The following ARHGEF38 variants were observed in gnomAD, a reference collection of about 807,000 sequenced individuals.
ARHGEF38 encodes the protein Rho guanine nucleotide exchange factor (GEF) 38.
Under a neutral mutation model 79.9 loss-of-function variants are expected in ARHGEF38, and 79 were observed. The ratio of observed to expected loss-of-function variants is 0.99; its 90% CI spans 0.82 to 1.19. The LOEUF (loss-of-function observed/expected upper bound fraction) is 1.19, where lower values mean the gene tolerates loss of function less well. Among genes scored for constraint, ARHGEF38 ranks in the 50% most tolerant of loss-of-function variants. The pLI is 0.00. For synonymous variants in ARHGEF38, 366 were observed against 328.3 expected (o/e 1.11, Z -1.24); for missense variants, 962 against 907.2 (o/e 1.06, Z -0.78).
At chr4:105,570,391 G>A (rs1328475364) in intron 1 of ARHGEF38, among the ~76,000 whole-genome samples, 2 of 152,182 alleles carry the variant, frequency 1.3e-5, no homozygotes, top group African/African-American at 2.4e-5. Context: ...AATGCAGTAT[G>A]TATTAGTCTG....
intron 10 of ARHGEF38, among the ~76,000 whole-genome samples, chr4:105,660,431 A>G (rs1349228206): frequency 6.7e-6 from 1 of 149,024 alleles, no homozygotes; most frequent in East Asian, 2.0e-4. Flanking sequence ...GAGCTTCCTC[A>G]TTCTTTTTTT....
intron 6 of ARHGEF38, among the ~76,000 whole-genome samples, chr4:105,648,013 C>T (rs1729923554): frequency 6.6e-6 from 1 of 151,662 alleles, no homozygotes; most frequent in South Asian, 2.1e-4. Context: ...CCTCAGCCTC[C>T]CAAGTACCTG....
At chr4:105,580,290 C>G (rs775610096) in intron 1 of ARHGEF38, among the ~76,000 whole-genome samples, 10 of 152,042 alleles carry the variant, frequency 6.6e-5, no homozygotes, top group Non-Finnish European at 1.0e-4. Context: ...TTCTTTAGCT[C>G]TTTTATTTGT....
At chr4:105,639,966 C>A (rs551111778) in intron 5 of ARHGEF38, among the ~76,000 whole-genome samples, 1 of 152,130 alleles carries the variant, frequency 6.6e-6, no homozygotes, top group East Asian at 1.9e-4. Flanking sequence ...TCTTCTCCTG[C>A]CAGCCCCTAA....
chr4:105,610,138 G>A (rs565887213), intron 2 of ARHGEF38, among the ~76,000 whole-genome samples: 14 of 151,948 alleles, frequency 9.2e-5, no homozygotes, highest in Non-Finnish European at 1.6e-4. Context: ...GTTCTCACTC[G>A]TAAGTGGGAG....
At chr4:105,641,454 T>G (rs1729612142) in intron 5 of ARHGEF38, among the ~76,000 whole-genome samples, 1 of 152,130 alleles carries the variant, frequency 6.6e-6, no homozygotes, top group East Asian at 1.9e-4. Flanking sequence ...CACTATTATC[T>G]TTTATTTATG....
chr4:105,599,543 GC>G (rs1459440876), intron 2 of ARHGEF38, among the ~76,000 whole-genome samples: 1 of 152,076 alleles, frequency 6.6e-6, no homozygotes, highest in Admixed American at 6.6e-5. Context: ...ATTTTAATTT[GC>G]TTTTTTTTGT....
In ARHGEF38 at chr4:105,679,744, C is replaced by A; in HGVS notation, c.*1807C>A. The A allele has an allele frequency of 1.2e-6, 1 of 856,952 alleles. No individual in the cohort carries two copies. The highest frequency in any genetic ancestry group is 2.0e-6 in the Non-Finnish European group (1 of 498,456). The allele number at this position is 856,952 out of a possible 1,614,324, so 53.1% of individuals were successfully genotyped here. On this transcript the variant is annotated 3_prime_UTR_variant, in exon 14 of 14. Transcript: ENST00000420470. ...TTTTTGTTCCACATGTCTTAGTTGA[C>A]CTTTCTCTTGGTTGATAAAAACATA...
intron 1 of ARHGEF38, among the ~76,000 whole-genome samples, 174 bp downstream of exon 1, chr4:105,553,135 T>A (rs1725078005): frequency 1.3e-5 from 2 of 151,990 alleles, no homozygotes; most frequent in South Asian, 2.1e-4. Context: ...GGGAAAAAAA[T>A]TTATTACGTG....
chr4:105,604,228 G>T (rs1261969217), intron 2 of ARHGEF38, among the ~76,000 whole-genome samples: 3 of 152,166 alleles, frequency 2.0e-5, no homozygotes, highest in African/African-American at 7.2e-5. Context: ...TAACTTAGAT[G>T]TCATGATCAA....
chr4:105,666,348 A>C, intron 11 of ARHGEF38, 28 bp downstream of exon 11: 1 of 1,500,432 alleles, frequency 6.7e-7, no homozygotes, highest in South Asian at 1.3e-5. Context: ...CATGACAATG[A>C]TAACTTTCAC....
intron 2 of ARHGEF38, among the ~76,000 whole-genome samples, chr4:105,608,284 A>G (rs1475344954): frequency 2.0e-5 from 3 of 151,876 alleles, no homozygotes; most frequent in African/African-American, 7.2e-5. Flanking sequence ...GTCATATCTC[A>G]TTTGATTTTA....
chr4:105,614,815 T>G (rs540013228), intron 3 of ARHGEF38, among the ~76,000 whole-genome samples: 1 of 152,352 alleles, frequency 6.6e-6, no homozygotes, highest in East Asian at 1.9e-4. Flanking sequence ...TTTGGTACTG[T>G]ACCACATTGC....
At chr4:105,661,900 C>T (rs1730578532) in intron 10 of ARHGEF38, among the ~76,000 whole-genome samples, 1 of 151,830 alleles carries the variant, frequency 6.6e-6, no homozygotes, top group Admixed American at 6.6e-5. Flanking sequence ...GATCTATTTC[C>T]AACGTTTTTT....
intron 1 of ARHGEF38, among the ~76,000 whole-genome samples, chr4:105,588,966 T>C (rs1176538957): frequency 6.6e-6 from 1 of 152,236 alleles, no homozygotes; most frequent in Non-Finnish European, 1.5e-5. Context: ...ATCTCCAGGC[T>C]GAATACCGGC....
intron 2 of ARHGEF38, among the ~76,000 whole-genome samples, chr4:105,589,807 G>A (rs755095054): frequency 5.3e-5 from 8 of 152,062 alleles, no homozygotes; most frequent in Non-Finnish European, 1.0e-4. Flanking sequence ...TGAGGTGGGA[G>A]GATCACCTGA....
At chr4:105,656,957 G>C (rs1730352164) in intron 9 of ARHGEF38, among the ~76,000 whole-genome samples, 1 of 152,006 alleles carries the variant, frequency 6.6e-6, no homozygotes, top group Non-Finnish European at 1.5e-5. Flanking sequence ...AGAGAAACAG[G>C]TCAACGACAG....
intron 4 of ARHGEF38, chr4:105,631,350 C>G (rs1729185206): frequency 9.7e-7 from 1 of 1,026,730 alleles, no homozygotes; most frequent in Non-Finnish European, 1.2e-6. Flanking sequence ...TGTAACTTGC[C>G]TGGCCCCACG....
At chr4:105,594,865 C>T (rs1180862300) in intron 2 of ARHGEF38, among the ~76,000 whole-genome samples, 2 of 152,170 alleles carry the variant, frequency 1.3e-5, no homozygotes, top group African/African-American at 2.4e-5. Context: ...AGAAGGCAAA[C>T]GTTATCCACA....
Sources: allele counts gnomAD v4.1 joint callset (sites outside exome capture counted in the v4.1 genomes callset), GRCh38; gene constraint gnomAD v4.1.1; transcripts MANE v1.5; gene names NCBI Gene and HGNC (gene_info 2026-07-23, HGNC 2026-07-21).